Variants in TBC1D4 observed in about 807,000 individuals in gnomAD.
TBC1D4 encodes TBC1 domain family member 4, also known as TBC (Tre-2, BUB2, CDC16) domain-containing protein.
In TBC1D4, 121 loss-of-function variants were observed where a neutral mutation model predicts 142.5. The ratio of observed to expected loss-of-function variants is 0.85; its 90% CI spans 0.73 to 0.99. The LOEUF (loss-of-function observed/expected upper bound fraction) is 0.99. Ranked by LOEUF, TBC1D4 falls within the 50% of genes least tolerant of loss-of-function variation. TBC1D4 has a pLI of 0.00. For missense variants in TBC1D4, 1,475 were observed against 1,606.6 expected (o/e 0.92, Z 1.40); for synonymous variants, 630 against 628.2 (o/e 1.00, Z -0.04).
chr13:75,441,062 C>T (rs893323939), intron 1 of TBC1D4, among the ~76,000 whole-genome samples: 22 of 152,028 alleles, frequency 1.4e-4, no homozygotes, highest in African/African-American at 5.3e-4. Flanking sequence ...TGAGACCAGC[C>T]TGGCCAACAT....
chr13:75,391,311 T>C (rs975911958), intron 1 of TBC1D4, among the ~76,000 whole-genome samples: 1 of 152,218 alleles, frequency 6.6e-6, no homozygotes, highest in Non-Finnish European at 1.5e-5. Context: ...CTAGATGCAG[T>C]TAAACTCCAA....
rs974094711 is a variant in TBC1D4, at chr13:75,473,853, T to C, written c.498+7417A>G. Reference sequence around the variant, plus strand: ...GATATCAAAGACATATTAAAAGATATTCATATACTTTATAATTCAATAAAA... The same window carrying C: ...GATATCAAAGACATATTAAAAGATACTCATATACTTTATAATTCAATAAAA... On this transcript the variant is annotated intron_variant, in intron 1 of 20. Transcript: ENST00000377636. Among the ~76,000 whole-genome samples the C allele has an allele frequency of 5.9e-5, 9 of 152,220 alleles. No individual in the cohort carries two copies. The East Asian group carries it at 1.2e-3, about 20-fold the overall frequency.
At chr13:75,475,112 A>G (rs888231899) in intron 1 of TBC1D4, among the ~76,000 whole-genome samples, 3 of 152,250 alleles carry the variant, frequency 2.0e-5, no homozygotes, top group African/African-American at 7.2e-5. Context: ...AAATGCATTA[A>G]GGAGCTACTC....
At chr13:75,388,522 G>T (rs1884305188) in intron 1 of TBC1D4, among the ~76,000 whole-genome samples, 1 of 152,088 alleles carries the variant, frequency 6.6e-6, no homozygotes, top group African/African-American at 2.4e-5. Flanking sequence ...GGTCTGGCTG[G>T]GTTTTTTGCT....
At chr13:75,411,944 T>A (rs1052163632) in intron 1 of TBC1D4, among the ~76,000 whole-genome samples, 1 of 152,206 alleles carries the variant, frequency 6.6e-6, no homozygotes, top group Non-Finnish European at 1.5e-5. Flanking sequence ...AGGCTAAGGA[T>A]GAATCAGTCA....
At chr13:75,463,053 T>G (rs1888033803) in intron 1 of TBC1D4, among the ~76,000 whole-genome samples, 1 of 152,198 alleles carries the variant, frequency 6.6e-6, no homozygotes, top group Non-Finnish European at 1.5e-5. Context: ...AAGTGATATT[T>G]TAACTGCTGT....
chr13:75,292,319 T>G (rs1334058446), intron 18 of TBC1D4, 48 bp from the exon 19 acceptor site: 2 of 1,501,922 alleles, frequency 1.3e-6, no homozygotes, highest in South Asian at 1.2e-5. Flanking sequence ...GCATCCACTC[T>G]TGTAAAAAGC....
intron 1 of TBC1D4, chr13:75,367,061 A>C (rs1253154068): frequency 1.2e-6 from 1 of 830,340 alleles, no homozygotes; most frequent in African/African-American, 1.8e-5. Flanking sequence ...AGTCCACGTT[A>C]TCACTATGCA....
intron 1 of TBC1D4, among the ~76,000 whole-genome samples, chr13:75,426,389 A>G (rs1228880328): frequency 2.0e-5 from 3 of 152,228 alleles, no homozygotes; most frequent in Non-Finnish European, 4.4e-5. Context: ...TGAAATTACT[A>G]AGTGGCTTCA....
At chr13:75,343,595 G>A (rs1049267512) in intron 5 of TBC1D4, among the ~76,000 whole-genome samples, 17 of 152,090 alleles carry the variant, frequency 1.1e-4, no homozygotes, top group East Asian at 3.9e-4. Context: ...TCGACTCACC[G>A]CAACTTCCTC....
At chr13:75,339,158 G>C (rs1593753542) in intron 7 of TBC1D4, among the ~76,000 whole-genome samples, 1 of 152,146 alleles carries the variant, frequency 6.6e-6, no homozygotes, top group Non-Finnish European at 1.5e-5. Context: ...TAAACAGTTA[G>C]ATGGCAGGGA....
intron 1 of TBC1D4, among the ~76,000 whole-genome samples, chr13:75,396,802 C>G (rs577830333): frequency 6.6e-6 from 1 of 152,088 alleles, no homozygotes; most frequent in South Asian, 2.1e-4. Flanking sequence ...ACATTCTGAG[C>G]ACTTGAGTAT....
At chr13:75,391,706 T>C (rs750192472) in intron 1 of TBC1D4, among the ~76,000 whole-genome samples, 7 of 152,296 alleles carry the variant, frequency 4.6e-5, no homozygotes, top group Admixed American at 3.3e-4. Context: ...CTCCACTTAG[T>C]CATTTCATGC....
rs760556422 is a variant in TBC1D4 at position 75,299,584 on chromosome 13, A to G, written c.2912-10T>C. 9.3e-6 allele frequency: 15 copies of G among 1,613,796 alleles called. No individual in the cohort carries two copies. The East Asian group carries it at 3.1e-4, about 34-fold the overall frequency. On this transcript the variant is annotated splice_polypyrimidine_tract_variant and intron_variant, in intron 16 of 20. Transcript: ENST00000377636. The stretch of plus-strand genomic sequence containing the variant: ...GTAGGAAACGTCCTTCCTGCAGAGG[A>G]AAAGAAGGAAAATATTTTTTGAAAT...
At chr13:75,455,900 T>C (rs555939613) in intron 1 of TBC1D4, among the ~76,000 whole-genome samples, 1 of 152,270 alleles carries the variant, frequency 6.6e-6, no homozygotes, top group East Asian at 1.9e-4. Flanking sequence ...TTAACAAAAA[T>C]ATTAACCAAT....
rs1236740250 is a variant in TBC1D4, at chr13:75,312,825, T to C, written c.2296A>G (p.Thr766Ala). 9 of 1,613,738 alleles carry C rather than the reference T, an allele frequency of 5.6e-6. No individual in the cohort carries two copies. The East Asian group carries it at 6.7e-5, about 12-fold the overall frequency. Reference protein sequence around the residue: ...ESLSVGGTSVTPRRISWRQRI... With the variant: ...ESLSVGGTSVAPRRISWRQRI... The stretch of plus-strand genomic sequence containing the variant: ...TGCCGCCAGGAGATCCGGCGAGGAG[T>C]GACAGAGGTTCCTCCCACACTTAGG... The change falls in exon 13 of 21, where the codon ACT becomes GCT. Residue 766 changes from threonine (T) to alanine (A), a missense_variant. Thr to Ala is a moderately conservative substitution (Grantham distance 58). Transcript: ENST00000377636.
chr13:75,323,324 A>G (rs921732239), intron 11 of TBC1D4, among the ~76,000 whole-genome samples: 2 of 152,132 alleles, frequency 1.3e-5, no homozygotes, highest in African/African-American at 4.8e-5. Flanking sequence ...ACTATACAGC[A>G]ATAAAAGTGA....
intron 1 of TBC1D4, among the ~76,000 whole-genome samples, chr13:75,405,699 T>A (rs757492650): frequency 6.6e-6 from 1 of 152,198 alleles, no homozygotes; most frequent in Non-Finnish European, 1.5e-5. Context: ...AACTTTACCA[T>A]GATCATCTTT....
intron 16 of TBC1D4, among the ~76,000 whole-genome samples, chr13:75,301,055 A>G (rs1876487497): frequency 6.6e-6 from 1 of 152,188 alleles, no homozygotes; most frequent in Non-Finnish European, 1.5e-5. Context: ...AAAGGAACAG[A>G]GGTAAAAACT....
Sources: allele counts gnomAD v4.1 joint callset (sites outside exome capture counted in the v4.1 genomes callset), GRCh38; gene constraint gnomAD v4.1.1; transcripts MANE v1.5; gene names NCBI Gene and HGNC (gene_info 2026-07-23, HGNC 2026-07-21).